Variants in PIGK observed in about 807,000 individuals in gnomAD.
The protein encoded by PIGK is GPI-anchor transamidase.
Under a neutral mutation model 50.6 loss-of-function variants are expected in PIGK, and 42 were observed. The observed-to-expected ratio is 0.83, with a 90% CI of 0.65 to 1.07. The LOEUF (loss-of-function observed/expected upper bound fraction) is 1.07, where lower values mean the gene tolerates loss of function less well. Ranked by LOEUF, PIGK falls within the 50% of genes least tolerant of loss-of-function variation. The pLI is 0.00. For synonymous variants in PIGK, 151 were observed against 156.0 expected (o/e 0.97, Z 0.24); for missense variants, 448 against 488.7 (o/e 0.92, Z 0.78).
intron 9 of PIGK, chr1:77,129,645 C>T (rs1003802309): frequency 4.2e-6 from 6 of 1,432,906 alleles, no homozygotes; most frequent in African/African-American, 1.4e-5. Context: ...ACTGAAGAAA[C>T]AAAAACTTAT....
intron 10 of PIGK, among the ~76,000 whole-genome samples, chr1:77,116,245 A>G (rs1267965543): frequency 1.3e-5 from 2 of 151,754 alleles, no homozygotes; most frequent in Non-Finnish European, 1.5e-5. Context: ...GAGCAGTGGC[A>G]CGATCTCGGC....
chr1:77,106,385 T>G (rs907871713), intron 10 of PIGK, among the ~76,000 whole-genome samples: 4 of 152,204 alleles, frequency 2.6e-5, no homozygotes, highest in African/African-American at 9.6e-5. Flanking sequence ...AGAAAATAGT[T>G]AATTTCAGTC....
At chr1:77,134,940 T>G (rs1340810123) in intron 9 of PIGK, among the ~76,000 whole-genome samples, 1 of 152,162 alleles carries the variant, frequency 6.6e-6, no homozygotes, top group African/African-American at 2.4e-5. Context: ...AACAATTCTT[T>G]TTTACTCATG....
chr1:77,135,775 A>G (rs1280983357), intron 9 of PIGK, among the ~76,000 whole-genome samples: 2 of 151,876 alleles, frequency 1.3e-5, no homozygotes, highest in Non-Finnish European at 1.5e-5. Context: ...TAAAATTTAC[A>G]ACCCTTTTCC....
chr1:77,115,141 A>G lies in PIGK; in HGVS notation c.1071+7134T>C, dbSNP rs184066766. ...AAATTGCAACAGTGGAACAACATGAAGAGTAATGATAAACAAAAACAGAAG... is the reference window on the plus strand; with the variant it reads ...AAATTGCAACAGTGGAACAACATGAGGAGTAATGATAAACAAAAACAGAAG... On this transcript the variant is annotated intron_variant, in intron 10 of 10. Transcript: ENST00000370812. Among the ~76,000 whole-genome samples, 8 of 152,354 alleles carry G rather than the reference A, an allele frequency of 5.3e-5. No individual in the cohort carries two copies. The East Asian group carries it at 1.4e-3, about 26-fold the overall frequency.
At chr1:77,179,771 T>C (rs1366808990) in intron 3 of PIGK, among the ~76,000 whole-genome samples, 3 of 141,598 alleles carry the variant, frequency 2.1e-5, no homozygotes, top group Non-Finnish European at 3.1e-5. Flanking sequence ...TTTGATGATA[T>C]AGATAATGTC....
Position 77,116,581 on chromosome 1 carries a change from TGTGTGTGTGTGTGTGC to T in PIGK, c.1071+5678_1071+5693del, listed in dbSNP as rs1350343874. On this transcript the variant is annotated intron_variant, in intron 10 of 10. Transcript: ENST00000370812. Reference sequence around the variant, plus strand: ...GTGTCTCTGTGTGTGTGTGTGTGTGTGTGTGTGTGTGTGTGCGCGTGTGTGTGTGTGTGTATGCTTG... The same window carrying T: ...GTGTCTCTGTGTGTGTGTGTGTGTGTGCGTGTGTGTGTGTGTGTATGCTTG... Among the ~76,000 whole-genome samples, 649 of 107,190 alleles carry T rather than the reference TGTGTGTGTGTGTGTGC, an allele frequency of 6.1e-3. 7 individuals carry two copies. The highest frequency in any genetic ancestry group is 0.031 in the African/African-American group (623 of 20,142). The allele number at this position is 107,190 out of a possible 152,430, so 70.3% of individuals were successfully genotyped here.
intron 3 of PIGK, among the ~76,000 whole-genome samples, chr1:77,193,686 T>C (rs1290475959): frequency 1.3e-5 from 2 of 152,208 alleles, no homozygotes; most frequent in Admixed American, 6.5e-5. Flanking sequence ...CTTTTCTATA[T>C]CTTAATATTT....
At chr1:77,134,461 A>AT (rs756798037) in intron 9 of PIGK, among the ~76,000 whole-genome samples, 84 of 152,358 alleles carry the variant, frequency 5.5e-4, no homozygotes, top group Non-Finnish European at 1.0e-3. Flanking sequence ...AAGGAAAGTT[A>AT]TTTTGAGTGA....
intron 3 of PIGK, among the ~76,000 whole-genome samples, chr1:77,200,656 A>G (rs1656143049): frequency 6.6e-6 from 1 of 152,192 alleles, no homozygotes; most frequent in Non-Finnish European, 1.5e-5. Flanking sequence ...ATTCATTATA[A>G]ATGTTACACA....
intron 10 of PIGK, among the ~76,000 whole-genome samples, chr1:77,093,848 C>T (rs1261567293): frequency 1.3e-5 from 2 of 152,052 alleles, no homozygotes; most frequent in South Asian, 2.1e-4. Context: ...TCCTACAAGA[C>T]GGTAAGTTCG....
At chr1:77,172,326 A>T (rs1655385285) in intron 3 of PIGK, among the ~76,000 whole-genome samples, 1 of 152,152 alleles carries the variant, frequency 6.6e-6, no homozygotes, top group Non-Finnish European at 1.5e-5. Flanking sequence ...AATAAGTAAA[A>T]TGCCAACCTG....
At chr1:77,150,192 G>T (rs1161540683) in intron 9 of PIGK, among the ~76,000 whole-genome samples, 4 of 151,934 alleles carry the variant, frequency 2.6e-5, no homozygotes, top group Non-Finnish European at 4.4e-5. Context: ...AAAATCAAGA[G>T]CAAAACAAAT....
In PIGK at chr1:77,140,606, C is replaced by T. The variant is rs569106354; in HGVS notation, c.986+13843G>A. Among the ~76,000 whole-genome samples the T allele has an allele frequency of 3.3e-5, 5 of 151,990 alleles. No homozygotes were observed. In the East Asian group the frequency reaches 5.8e-4, roughly 18 times the overall value. ...CATATTTAGTGTTAACTCATGGGAA[C>T]GTCATGTACTCTTTTATTACCAGAA... On this transcript the variant is annotated intron_variant, in intron 9 of 10. Coordinates refer to ENST00000370812, the MANE Select transcript of PIGK (RefSeq NM_005482.3).
At chr1:77,104,386 T>C (rs1653618494) in intron 10 of PIGK, among the ~76,000 whole-genome samples, 1 of 151,952 alleles carries the variant, frequency 6.6e-6, no homozygotes. Flanking sequence ...ATAAGACACA[T>C]ATAAGATCTT....
intron 9 of PIGK, among the ~76,000 whole-genome samples, chr1:77,127,448 C>T (rs1038062010): frequency 1.6e-4 from 25 of 152,124 alleles, no homozygotes; most frequent in African/African-American, 5.8e-4. Flanking sequence ...CCTATAGTCC[C>T]AGCTACGTGG....
intron 3 of PIGK, among the ~76,000 whole-genome samples, chr1:77,177,260 T>G (rs1655508416): frequency 6.6e-6 from 1 of 152,204 alleles, no homozygotes; most frequent in Non-Finnish European, 1.5e-5. Flanking sequence ...TGCCATAAAC[T>G]GGCACCAAAA....
At chr1:77,189,694 CATATATATATATATATATATATAT>C (rs71075728) in intron 3 of PIGK, among the ~76,000 whole-genome samples, 12,778 of 70,648 alleles carry the variant, frequency 0.18, 1,186 homozygotes, top group Admixed American at 0.21. Context: ...ACAATAAACT[CATATATATATATATATATATATAT>C]ATATATATAT....
intron 3 of PIGK, among the ~76,000 whole-genome samples, chr1:77,202,196 C>A (rs1457529911): frequency 6.6e-6 from 1 of 152,180 alleles, no homozygotes; most frequent in Non-Finnish European, 1.5e-5. Flanking sequence ...TGAGGTTCTA[C>A]TTAGCTATGG....
Sources: allele counts gnomAD v4.1 joint callset (sites outside exome capture counted in the v4.1 genomes callset), GRCh38; gene constraint gnomAD v4.1.1; transcripts MANE v1.5; gene names NCBI Gene and HGNC (gene_info 2026-07-23, HGNC 2026-07-21).